The following RASA2 variants were observed in gnomAD, a reference collection of about 807,000 sequenced individuals.
RASA2 encodes the protein ras GTPase-activating protein 2.
Under a neutral mutation model 118.2 loss-of-function variants are expected in RASA2, and 155 were observed. That is an observed-to-expected ratio of 1.31 (90% CI 1.15 to 1.50). RASA2 has a LOEUF of 1.50. Among genes scored for constraint, RASA2 ranks in the 40% most tolerant of loss-of-function variants. RASA2 has a pLI of 0.00. For synonymous variants in RASA2, 353 were observed against 349.1 expected (o/e 1.01, Z -0.12); for missense variants, 1,016 against 1,009.6 (o/e 1.01, Z -0.09).
chr3:141,551,209 A>G (rs2082570140), intron 5 of RASA2, among the ~76,000 whole-genome samples: 1 of 152,162 alleles, frequency 6.6e-6, no homozygotes, highest in Non-Finnish European at 1.5e-5. Flanking sequence ...GCACTTGGTT[A>G]AGTTACTTAG....
intron 3 of RASA2, among the ~76,000 whole-genome samples, chr3:141,524,887 G>A (rs1015638026): frequency 5.9e-5 from 9 of 151,920 alleles, no homozygotes; most frequent in Admixed American, 3.3e-4. Flanking sequence ...CACCATGCCC[G>A]GCCTGTCACT....
At chr3:141,579,032 A>G (rs962404964) in intron 15 of RASA2, among the ~76,000 whole-genome samples, 2 of 152,192 alleles carry the variant, frequency 1.3e-5, no homozygotes, top group South Asian at 2.1e-4. Flanking sequence ...TATAAGGATC[A>G]TATTTCGGAT....
chr3:141,490,355 A>C (rs997121830), intron 1 of RASA2, among the ~76,000 whole-genome samples: 6 of 147,018 alleles, frequency 4.1e-5, no homozygotes, highest in Admixed American at 1.4e-4. Flanking sequence ...AAAAAAAAAA[A>C]AACCGTATTC....
chr3:141,571,091 A>G (rs752970268), intron 10 of RASA2, 23 bp downstream of exon 10: 6 of 1,572,932 alleles, frequency 3.8e-6, no homozygotes, highest in East Asian at 2.3e-5. Flanking sequence ...TCTTAAGGAT[A>G]TGATTTAACA....
At position 141,553,944 on chromosome 3, in the gene RASA2, A is replaced by G. The variant is rs767887042; in HGVS notation, c.611+4A>G. ...TTTCTCTAGTGGGCCCTTCTAGGTAATATTTATTGAATTATTATTAGGTTT... is the reference window on the plus strand; with the variant it reads ...TTTCTCTAGTGGGCCCTTCTAGGTAGTATTTATTGAATTATTATTAGGTTT... On this transcript the variant is annotated splice_donor_region_variant and intron_variant, in intron 6 of 23. Transcript: ENST00000286364. 1.2e-6 allele frequency: 2 copies of G among 1,600,686 alleles called. No homozygotes were observed. Among genetic ancestry groups the G allele is most frequent in the Non-Finnish European group, 1.7e-6 (2 of 1,175,276 alleles).
chr3:141,543,391 A>G (rs2151104520), intron 5 of RASA2, among the ~76,000 whole-genome samples: 1 of 152,356 alleles, frequency 6.6e-6, no homozygotes, highest in Middle Eastern at 3.4e-3. Flanking sequence ...ATTGAGAACC[A>G]CATCAAACAA....
At position 141,553,788 on chromosome 3, in the gene RASA2, G is replaced by C. The variant is rs1296572613; in HGVS notation, c.528-69G>C. 2.6e-6 allele frequency: 4 copies of C among 1,560,590 alleles called. No individual in the cohort carries two copies. In the African/African-American group the frequency reaches 5.5e-5, roughly 22 times the overall value. ...TAACCTTTTGAATGTATTAGTTTGT[G>C]TTTAAAGATAATGTTTTATCTTGTT... On this transcript the variant is annotated intron_variant, in intron 5 of 23. Transcript: ENST00000286364.
chr3:141,505,578 G>A (rs145993002), intron 1 of RASA2, among the ~76,000 whole-genome samples: 1 of 152,282 alleles, frequency 6.6e-6, no homozygotes, highest in African/African-American at 2.4e-5. Flanking sequence ...CATAATTTGT[G>A]GGGGTAAAGA....
chr3:141,500,872 T>C (rs947372063), intron 1 of RASA2, among the ~76,000 whole-genome samples: 79 of 143,166 alleles, frequency 5.5e-4, no homozygotes, highest in African/African-American at 2.2e-3. Flanking sequence ...TATTTTTTAT[T>C]TTTTTTGTCT....
intron 2 of RASA2, among the ~76,000 whole-genome samples, chr3:141,514,020 G>C (rs2081989508): frequency 6.6e-6 from 1 of 152,126 alleles, no homozygotes; most frequent in Non-Finnish European, 1.5e-5. Context: ...AAGATTTCTT[G>C]CTTTGAATGC....
At chr3:141,566,001 C>G (rs1346901828) in intron 9 of RASA2, among the ~76,000 whole-genome samples, 3 of 152,144 alleles carry the variant, frequency 2.0e-5, no homozygotes, top group Admixed American at 2.0e-4. Flanking sequence ...CTGTCTTTAT[C>G]TTATCTTTCT....
intron 16 of RASA2, among the ~76,000 whole-genome samples, 153 bp downstream of exon 16, chr3:141,580,604 A>G (rs1286224151): frequency 6.6e-6 from 1 of 151,950 alleles, no homozygotes; most frequent in Non-Finnish European, 1.5e-5. Context: ...TTTTAAGTAG[A>G]TACTCTCTTA....
chr3:141,609,802 T>C, intron 22 of RASA2, 75 bp from the exon 23 acceptor site: 1 of 1,352,720 alleles, frequency 7.4e-7, no homozygotes, highest in Non-Finnish European at 9.9e-7. Context: ...ACTTGAAAAA[T>C]TCTTATTTGT....
At chr3:141,497,546 A>C (rs1009778885) in intron 1 of RASA2, among the ~76,000 whole-genome samples, 1 of 151,592 alleles carries the variant, frequency 6.6e-6, no homozygotes, top group African/African-American at 2.4e-5. Context: ...AGTGCTATAG[A>C]AGAAATAAAG....
At chr3:141,519,095 G>T (rs958790185) in intron 3 of RASA2, among the ~76,000 whole-genome samples, 1 of 152,124 alleles carries the variant, frequency 6.6e-6, no homozygotes, top group African/African-American at 2.4e-5. Context: ...TCCTAGAAGT[G>T]AAAATACTGA....
At chr3:141,517,022 G>A (rs146678600) in intron 3 of RASA2, among the ~76,000 whole-genome samples, 53 of 151,982 alleles carry the variant, frequency 3.5e-4, no homozygotes, top group Admixed American at 2.1e-3. Context: ...CACCTGCCTC[G>A]GCCTCCCAGA....
intron 1 of RASA2, among the ~76,000 whole-genome samples, chr3:141,504,071 A>G (rs1026461003): frequency 1.3e-5 from 2 of 152,216 alleles, no homozygotes; most frequent in Admixed American, 6.5e-5. Context: ...GTTTCATTAT[A>G]TATTTTATGC....
intron 4 of RASA2, among the ~76,000 whole-genome samples, chr3:141,530,085 T>C (rs1011953534): frequency 7.2e-5 from 11 of 152,136 alleles, no homozygotes; most frequent in African/African-American, 2.7e-4. Flanking sequence ...TATTTGTCTT[T>C]GAGGGGAAAA....
chr3:141,496,642 G>A (rs568679556), intron 1 of RASA2, among the ~76,000 whole-genome samples: 34 of 152,176 alleles, frequency 2.2e-4, no homozygotes, highest in South Asian at 6.2e-4. Context: ...TTAGAATGGC[G>A]ATCATTAAAA....
Sources: allele counts gnomAD v4.1 joint callset (sites outside exome capture counted in the v4.1 genomes callset), GRCh38; gene constraint gnomAD v4.1.1; transcripts MANE v1.5; gene names NCBI Gene and HGNC (gene_info 2026-07-23, HGNC 2026-07-21).